The following SNX4 variants were observed in gnomAD, a reference collection of about 807,000 sequenced individuals.
SNX4 encodes sorting nexin 4.
SNX4 carries 49 observed loss-of-function variants against 70.8 expected under a neutral mutation model. That is an observed-to-expected ratio of 0.69 (90% CI 0.55 to 0.88). SNX4 has a LOEUF of 0.88. Among genes scored for constraint, SNX4 ranks in the 40% least tolerant of loss-of-function variants. The pLI is 0.00. For synonymous variants in SNX4, 206 were observed against 183.8 expected, an observed-to-expected ratio of 1.12 and a Z score of -0.98; for missense variants, 528 against 544.8, an observed-to-expected ratio of 0.97 and a Z score of 0.31.
intron 6 of SNX4, among the ~76,000 whole-genome samples, chr3:125,481,560 C>T (rs767327714): frequency 3.9e-5 from 6 of 151,910 alleles, no homozygotes; most frequent in South Asian, 2.1e-4. Context: ...GCAGTTTTCC[C>T]GCCTTAGCCT....
chr3:125,456,479 G>C (rs1933719703), intron 11 of SNX4, among the ~76,000 whole-genome samples: 1 of 151,902 alleles, frequency 6.6e-6, no homozygotes, highest in Non-Finnish European at 1.5e-5. Flanking sequence ...TGGTCAACAT[G>C]ATGAGACTAT....
rs1247534835 is a variant in SNX4 at position 125,446,659 on chromosome 3, TATTTC to T, written c.*1115_*1119del. ...AAAAATCATCTGAAAATCAGCACAA[TATTTC>T]ATTTATTTATTGTATAAGTTTGGCA... On this transcript the variant is annotated 3_prime_UTR_variant, in exon 14 of 14. Transcript: ENST00000251775. 6.6e-6 allele frequency: 1 copy of T among 152,602 alleles called. No individual in the cohort carries two copies. The highest frequency in any genetic ancestry group is 6.5e-5 in the Admixed American group (1 of 15,274). The allele number at this position is 152,602 out of a possible 1,614,324, so 9.5% of individuals were successfully genotyped here.
chr3:125,488,646 A>G (rs1934585602), intron 6 of SNX4, among the ~76,000 whole-genome samples: 1 of 152,216 alleles, frequency 6.6e-6, no homozygotes, highest in African/African-American at 2.4e-5. Context: ...TCATCAGAAT[A>G]TGCAGACCCC....
intron 9 of SNX4, among the ~76,000 whole-genome samples, chr3:125,461,233 AACAG>A (rs1400766147): frequency 6.6e-6 from 1 of 152,176 alleles, no homozygotes; most frequent in Non-Finnish European, 1.5e-5. Flanking sequence ...CTCAAAAACA[AACAG>A]ACAAACAAAC....
chr3:125,500,375 TGAA>T lies in SNX4; in HGVS notation c.264-2184_264-2182del, dbSNP rs1016645460. Among the ~76,000 whole-genome samples the T allele has an allele frequency of 3.3e-5, 5 of 152,314 alleles. No homozygotes were observed. The South Asian group carries it at 1.0e-3, about 32-fold the overall frequency. Reference sequence around the variant, plus strand: ...TTATTTTAAAAGAGTTCCTATTCAATGAAGAAGAACACATACAAAAATCTCTTG... The same window carrying T: ...TTATTTTAAAAGAGTTCCTATTCAATGAAGAACACATACAAAAATCTCTTG... On this transcript the variant is annotated intron_variant, in intron 2 of 13. Coordinates refer to ENST00000251775, the MANE Select transcript of SNX4 (RefSeq NM_003794.4).
Position 125,463,900 on chromosome 3 carries a change from T to TATTA in SNX4, c.855-3041_855-3040insTAAT, listed in dbSNP as rs576126273. Among the ~76,000 whole-genome samples the TATTA allele has an allele frequency of 8.4e-4, 128 of 152,258 alleles. 1 individual carries two copies. In the East Asian group the frequency reaches 0.022, roughly 26 times the overall value. ...TATACTTGCTTCTTCACTGTCTTAA[T>TATTA]AGTGTCGCTTTTTAAAAAATAGTAA... On this transcript the variant is annotated intron_variant, in intron 9 of 13. Coordinates refer to ENST00000251775, the MANE Select transcript of SNX4 (RefSeq NM_003794.4).
Position 125,498,041 on chromosome 3 carries a change from T to C in SNX4, c.399+18A>G. The C allele has an allele frequency of 6.2e-7, 1 of 1,614,094 alleles. No homozygotes were observed. The highest frequency in any genetic ancestry group is 2.2e-5 in the East Asian group (1 of 44,872). ...TCAATGCTGAATACTTCTAAACTAC[T>C]GCCATTTCACTTCTTACCCGTTTTT... On this transcript the variant is annotated intron_variant, in intron 3 of 13. Coordinates refer to ENST00000251775, the MANE Select transcript of SNX4 (RefSeq NM_003794.4).
intron 6 of SNX4, 43 bp from the exon 7 acceptor site, chr3:125,480,362 C>T: frequency 7.6e-7 from 1 of 1,318,964 alleles, no homozygotes; most frequent in Non-Finnish European, 1.0e-6. Context: ...CAAATGAAAA[C>T]AAGCAGTCAA....
At chr3:125,498,298 G>A (rs1447209795) in intron 2 of SNX4, 104 bp from the exon 3 acceptor site, 1 of 1,062,228 alleles carries the variant, frequency 9.4e-7, no homozygotes, top group Non-Finnish European at 1.3e-6. Flanking sequence ...TTATGAACCA[G>A]GCACTAAGTA....
At chr3:125,482,871 G>C (rs1442830003) in intron 6 of SNX4, among the ~76,000 whole-genome samples, 1 of 152,082 alleles carries the variant, frequency 6.6e-6, no homozygotes, top group African/African-American at 2.4e-5. Flanking sequence ...TGGCAAGATT[G>C]GCTCCCAATT....
At chr3:125,454,230 G>A (rs970128588) in intron 11 of SNX4, among the ~76,000 whole-genome samples, 1 of 152,174 alleles carries the variant, frequency 6.6e-6, no homozygotes, top group Admixed American at 6.5e-5. Context: ...CCAGAGCCAC[G>A]GAGTGATACC....
Position 125,453,901 on chromosome 3 carries a change from T to A in SNX4, c.1099A>T (p.Thr367Ser), listed in dbSNP as rs769550840. 1.9e-6 allele frequency: 3 copies of A among 1,613,960 alleles called. No individual in the cohort carries two copies. In the South Asian group the frequency reaches 3.3e-5, roughly 18 times the overall value. ...GMTTKLFGQE[T>S]PEQREARIKV... Reference sequence around the variant, plus strand: ...ATTCTGGCTTCTCTCTGCTCTGGAGTTTCTTGACCAAAGAGCTTGGTAGTC... The same window carrying A: ...ATTCTGGCTTCTCTCTGCTCTGGAGATTCTTGACCAAAGAGCTTGGTAGTC... Residue 367 changes from threonine (T) to serine (S), a missense_variant, in exon 12 of 14, where the codon ACT becomes TCT. By Grantham distance (58) the Thr-to-Ser change is moderately conservative. Around this residue, in one of 3 missense-constraint regions of SNX4, gnomAD observed 159 missense variants for 172.6 expected, o/e 0.92. Transcript: ENST00000251775.
intron 8 of SNX4, among the ~76,000 whole-genome samples, chr3:125,471,770 T>C (rs890972150): frequency 6.6e-6 from 1 of 152,236 alleles, no homozygotes; most frequent in African/African-American, 2.4e-5. Context: ...CCTATGTATT[T>C]AGTCCATTTC....
At chr3:125,456,516 AC>A (rs1174470766) in intron 11 of SNX4, among the ~76,000 whole-genome samples, 1 of 152,118 alleles carries the variant, frequency 6.6e-6, no homozygotes, top group Non-Finnish European at 1.5e-5. Context: ...GCATGGGGGC[AC>A]ATGCCTGTGG....
At chr3:125,467,801 T>C (rs2107535506) in intron 9 of SNX4, among the ~76,000 whole-genome samples, 1 of 152,306 alleles carries the variant, frequency 6.6e-6, no homozygotes, top group East Asian at 1.9e-4. Context: ...GAAAGTAAAT[T>C]AGTTCAGCCA....
intron 8 of SNX4, among the ~76,000 whole-genome samples, chr3:125,475,194 C>T (rs1305822196): frequency 6.6e-6 from 1 of 151,996 alleles, no homozygotes; most frequent in East Asian, 1.9e-4. Context: ...TATTGATCAA[C>T]CAAAGACATA....
intron 9 of SNX4, among the ~76,000 whole-genome samples, chr3:125,464,342 T>A (rs975206868): frequency 1.3e-5 from 2 of 152,106 alleles, no homozygotes; most frequent in African/African-American, 4.8e-5. Flanking sequence ...TCTTTTCATA[T>A]CCTTCTTAAC....
At chr3:125,452,902 C>T (rs1052420371) in intron 12 of SNX4, among the ~76,000 whole-genome samples, 1 of 152,138 alleles carries the variant, frequency 6.6e-6, no homozygotes, top group Non-Finnish European at 1.5e-5. Context: ...CAGGCATGAG[C>T]TACCGCGCCC....
At chr3:125,508,514 CCGA>C (rs1314867438) in intron 1 of SNX4, among the ~76,000 whole-genome samples, 2 of 151,574 alleles carry the variant, frequency 1.3e-5, no homozygotes, top group African/African-American at 4.9e-5. Context: ...TTGCAGTGAG[CCGA>C]GATCGCACCA....
Sources: allele counts gnomAD v4.1 joint callset (sites outside exome capture counted in the v4.1 genomes callset), GRCh38; gene constraint gnomAD v4.1.1; regional missense constraint gnomAD v4.1.1; transcripts MANE v1.5; gene names NCBI Gene and HGNC (gene_info 2026-07-23, HGNC 2026-07-21).